The following CDNF variants were observed in gnomAD, a reference collection of about 807,000 sequenced individuals.
CDNF encodes the protein ARMET-like protein 1.
Under a neutral mutation model 14.8 loss-of-function variants are expected in CDNF, and 9 were observed. The observed-to-expected ratio is 0.61, with a 90% confidence interval of 0.37 to 1.06. The LOEUF (loss-of-function observed/expected upper bound fraction) is 1.06. CDNF is among the 50% of genes least tolerant of loss of function. The pLI, the probability that CDNF is intolerant of heterozygous loss-of-function variation, is 0.01. For missense variants in CDNF, 228 were observed against 228.4 expected, an observed-to-expected ratio of 1.00 and a Z score of 0.01; for synonymous variants, 86 against 87.2, an observed-to-expected ratio of 0.99 and a Z score of 0.07.
intron 3 of CDNF, among the ~76,000 whole-genome samples, chr10:14,821,682 A>T (rs1833739961): frequency 1.3e-5 from 2 of 152,166 alleles, no homozygotes; most frequent in Admixed American, 1.3e-4. Context: ...TTTCCAAGAG[A>T]TTATACTTGC....
chr10:14,836,348 G>A (rs996651880), intron 1 of CDNF: 8 of 152,216 alleles, frequency 5.3e-5, no homozygotes, highest in African/African-American at 1.9e-4. Flanking sequence ...ATCACAGCAT[G>A]CTGTAATAAA....
At position 14,837,813 on chromosome 10, in the gene CDNF, C is replaced by G; in HGVS notation, c.115+19G>C. The G allele has an allele frequency of 2.7e-6, 4 of 1,475,054 alleles. No individual in the cohort carries two copies. Among genetic ancestry groups the G allele is most frequent in the Non-Finnish European group, 2.8e-6 (3 of 1,078,536 alleles). 91.4% of individuals were successfully genotyped at this position (1,475,054 alleles called of 1,614,324 possible). ...CAGCGCGGGGCCGCCGCCATGCAAG[C>G]AGTTGTCACACCGCTCACCTTCACA... On this transcript the variant is annotated intron_variant, in intron 1 of 3. Transcript: ENST00000465530.
chr10:14,837,754 C>A, intron 1 of CDNF, 78 bp downstream of exon 1: 1 of 799,320 alleles, frequency 1.3e-6, no homozygotes, highest in East Asian at 2.7e-5. Flanking sequence ...ATAGCCAGGG[C>A]CAGGAGAAGC....
At chr10:14,829,571 C>T (rs150779501) in intron 1 of CDNF, among the ~76,000 whole-genome samples, 1 of 152,190 alleles carries the variant, frequency 6.6e-6, no homozygotes, top group African/African-American at 2.4e-5. Flanking sequence ...ACACACTAAA[C>T]TTAATTATGA....
chr10:14,820,398 C>A (rs1159839742), intron 3 of CDNF, among the ~76,000 whole-genome samples: 1 of 152,020 alleles, frequency 6.6e-6, no homozygotes, highest in African/African-American at 2.4e-5. Flanking sequence ...CAAAAATATT[C>A]TAAACAAATT....
intron 3 of CDNF, among the ~76,000 whole-genome samples, chr10:14,823,398 A>T (rs890399313): frequency 2.6e-5 from 4 of 152,250 alleles, no homozygotes; most frequent in Non-Finnish European, 4.4e-5. Flanking sequence ...CGTCTCAATA[A>T]TATCTGATTT....
chr10:14,824,542 A>G (rs7899405), intron 3 of CDNF, among the ~76,000 whole-genome samples: 64,460 of 148,100 alleles, frequency 0.44, 17,276 homozygotes, highest in African/African-American at 0.76. Flanking sequence ...CGAGGCAGAG[A>G]TTGCAGTGAG....
At chr10:14,826,058 G>C (rs1048211551) in intron 2 of CDNF, among the ~76,000 whole-genome samples, 25 of 135,194 alleles carry the variant, frequency 1.8e-4, no homozygotes, top group African/African-American at 6.6e-4. Context: ...AGAAGAAGAA[G>C]AAGAAGAAGA....
intron 3 of CDNF, among the ~76,000 whole-genome samples, chr10:14,822,375 A>T (rs770999939): frequency 1.6e-4 from 25 of 152,162 alleles, no homozygotes; most frequent in Non-Finnish European, 3.2e-4. Context: ...ATATACCAAT[A>T]ATTATAATTT....
At chr10:14,826,031 GAA>G (rs1564313278) in intron 2 of CDNF, among the ~76,000 whole-genome samples, 9 of 35,082 alleles carry the variant, frequency 2.6e-4, no homozygotes, top group South Asian at 1.0e-3. Flanking sequence ...AGAAGAAGGA[GAA>G]GAAGAAGAAG....
intron 1 of CDNF, among the ~76,000 whole-genome samples, chr10:14,833,443 T>C (rs970909478): frequency 6.6e-6 from 1 of 152,198 alleles, no homozygotes; most frequent in Non-Finnish European, 1.5e-5. Flanking sequence ...CTGCAGATTT[T>C]GGACTTCTCA....
At chr10:14,837,066 G>A (rs897363285) in intron 1 of CDNF, among the ~76,000 whole-genome samples, 1 of 152,200 alleles carries the variant, frequency 6.6e-6, no homozygotes, top group African/African-American at 2.4e-5. Context: ...TTCCAGCTGA[G>A]GGCATATACA....
At chr10:14,831,509 T>C (rs1275889338) in intron 1 of CDNF, among the ~76,000 whole-genome samples, 2 of 149,368 alleles carry the variant, frequency 1.3e-5, no homozygotes. Context: ...TGTATATACA[T>C]ATATATAAAA....
intron 1 of CDNF, among the ~76,000 whole-genome samples, chr10:14,829,985 G>C (rs1324297573): frequency 6.6e-6 from 1 of 152,018 alleles, no homozygotes; most frequent in East Asian, 1.9e-4. Flanking sequence ...TCGTTTCTTT[G>C]TGTGCTTGCT....
chr10:14,823,629 G>C (rs990582694), intron 3 of CDNF, among the ~76,000 whole-genome samples: 3 of 152,154 alleles, frequency 2.0e-5, no homozygotes, highest in African/African-American at 7.2e-5. Context: ...CCAGGCTCAG[G>C]TGATCCTCCC....
chr10:14,828,915 C>G (rs1564314640), intron 1 of CDNF, among the ~76,000 whole-genome samples: 1 of 151,810 alleles, frequency 6.6e-6, no homozygotes, highest in Non-Finnish European at 1.5e-5. Context: ...GTGTCAGCTA[C>G]TCGAGAGGCT....
chr10:14,834,528 G>C (rs11259365), intron 1 of CDNF, among the ~76,000 whole-genome samples: 13,954 of 152,070 alleles, frequency 0.092, 1,158 homozygotes, highest in East Asian at 0.27. Flanking sequence ...TCTAGGTGAT[G>C]AAAGTTAGGA....
At chr10:14,826,436 A>C (rs909586002) in intron 2 of CDNF, among the ~76,000 whole-genome samples, 6 of 151,674 alleles carry the variant, frequency 4.0e-5, no homozygotes, top group Middle Eastern at 3.4e-3. Flanking sequence ...GCAGCAGAAG[A>C]AAGAAGCAGA....
chr10:14,833,552 TTC>T (rs1450991893), intron 1 of CDNF, among the ~76,000 whole-genome samples: 3 of 152,168 alleles, frequency 2.0e-5, no homozygotes, highest in African/African-American at 4.8e-5. Flanking sequence ...AGATTATATG[TTC>T]TGTTTGGTCC....
Sources: gnomAD v4.1 joint callset for allele counts (sites outside exome capture counted in the v4.1 genomes callset) on GRCh38, gnomAD v4.1.1 for gene constraint, MANE v1.5 for transcripts, NCBI Gene and HGNC (gene_info 2026-07-23, HGNC 2026-07-21) for gene names.